The following TRPM8 variants were observed in gnomAD, a reference collection of about 807,000 sequenced individuals.
TRPM8 encodes the protein transient receptor potential cation channel subfamily M member 8.
A neutral mutation model predicts 133.7 loss-of-function variants in TRPM8; 110 were observed. That is an observed-to-expected ratio of 0.82 (90% confidence interval 0.70 to 0.96). The LOEUF (loss-of-function observed/expected upper bound fraction) is 0.96. Ranked by LOEUF, TRPM8 falls within the 40% of genes least tolerant of loss-of-function variation. The pLI is 0.00. For synonymous variants in TRPM8, 535 were observed against 532.3 expected (o/e 1.01, Z -0.07); for missense variants, 1,291 against 1,379.5 (o/e 0.94, Z 1.02).
chr2:234,002,892 A>G (rs1030570941), intron 22 of TRPM8, among the ~76,000 whole-genome samples: 1 of 152,058 alleles, frequency 6.6e-6, no homozygotes, highest in Admixed American at 6.5e-5. Flanking sequence ...AGGGTATTTG[A>G]TAAAATGGTC....
intron 12 of TRPM8, among the ~76,000 whole-genome samples, chr2:233,962,186 A>G (rs1455266256): frequency 1.3e-5 from 2 of 152,224 alleles, no homozygotes; most frequent in South Asian, 2.1e-4. Flanking sequence ...TGTAACACCT[A>G]TAATCCTGCA....
intron 17 of TRPM8, among the ~76,000 whole-genome samples, chr2:233,976,529 C>T (rs1691877545): frequency 6.6e-6 from 1 of 152,082 alleles, no homozygotes; most frequent in Non-Finnish European, 1.5e-5. Flanking sequence ...GTGAGTAATT[C>T]CCAGGGGCTG....
At chr2:234,005,916 G>A (rs1321440210) in intron 22 of TRPM8, among the ~76,000 whole-genome samples, 4 of 117,624 alleles carry the variant, frequency 3.4e-5, no homozygotes, top group East Asian at 2.7e-4. Context: ...TGACAAGAGC[G>A]AAACGTCATC....
intron 11 of TRPM8, among the ~76,000 whole-genome samples, chr2:233,957,329 C>CCA (rs765811618): frequency 0.043 from 6,421 of 149,372 alleles, 149 homozygotes; most frequent in East Asian, 0.061. Context: ...CTGCCCCCCC[C>CCA]AAAAAAAAAA....
At chr2:233,947,314 G>A (rs1450185835) in intron 8 of TRPM8, 159 bp downstream of exon 8, 1 of 1,545,436 alleles carries the variant, frequency 6.5e-7, no homozygotes, top group East Asian at 2.5e-5. Flanking sequence ...ACAGACTCCG[G>A]TTATTCCTCA....
At chr2:233,925,139 C>A (rs1017014927) in intron 1 of TRPM8, among the ~76,000 whole-genome samples, 1 of 152,084 alleles carries the variant, frequency 6.6e-6, no homozygotes, top group Admixed American at 6.5e-5. Context: ...TTTCTGCATT[C>A]GGGAGTTATA....
chr2:233,952,910 C>A (rs554146231), intron 9 of TRPM8, among the ~76,000 whole-genome samples: 17 of 152,200 alleles, frequency 1.1e-4, no homozygotes, highest in Admixed American at 4.6e-4. Context: ...AATTTTGGGA[C>A]CTTCACCCCT....
chr2:233,919,880 C>T (rs1326667165), intron 1 of TRPM8, among the ~76,000 whole-genome samples: 1 of 152,142 alleles, frequency 6.6e-6, no homozygotes, highest in African/African-American at 2.4e-5. Context: ...GATATTGCCG[C>T]TTGAACATCC....
At chr2:233,958,909 G>A (rs1208028445) in intron 11 of TRPM8, among the ~76,000 whole-genome samples, 1 of 152,094 alleles carries the variant, frequency 6.6e-6, no homozygotes, top group African/African-American at 2.4e-5. Flanking sequence ...TCCCAGGGAG[G>A]AGTGGTGGGG....
chr2:233,992,895 A>G (rs192634500), intron 21 of TRPM8, among the ~76,000 whole-genome samples: 1 of 152,218 alleles, frequency 6.6e-6, no homozygotes, highest in African/African-American at 2.4e-5. Context: ...TGCAGAGTTC[A>G]GTCTCCCCTT....
rs1488309438 is a variant in TRPM8, at chr2:233,930,697, T to C, written c.147T>C (p.Phe49=). 1 of 1,609,686 alleles carries C rather than the reference T, an allele frequency of 6.2e-7. No homozygotes were observed. ...TGGTGAATTTTATTCAAGCAAATTT[T>C]AAGAAACGAGAATGTGTCTTCTTTA... ...SDLVNFIQAN[F]KKRECVFFTK... The change falls in exon 3 of 26, where the codon TTT becomes TTC. Residue 49 remains phenylalanine, a synonymous_variant. Transcript: ENST00000324695.
intron 22 of TRPM8, among the ~76,000 whole-genome samples, chr2:234,001,946 A>C (rs1408809054): frequency 6.6e-6 from 1 of 152,220 alleles, no homozygotes; most frequent in Non-Finnish European, 1.5e-5. Context: ...TAAATAAGCT[A>C]GAAGCTATCT....
At chr2:233,968,053 C>G (rs1691618989) in intron 15 of TRPM8, 1 of 152,140 alleles carries the variant, frequency 6.6e-6, no homozygotes, top group South Asian at 2.1e-4. Context: ...AGTCAGGGTG[C>G]TGTGTGGGGT....
chr2:233,935,201 T>A (rs1375133723), intron 3 of TRPM8, among the ~76,000 whole-genome samples: 1 of 152,244 alleles, frequency 6.6e-6, no homozygotes, highest in Non-Finnish European at 1.5e-5. Flanking sequence ...GGACAGAGAA[T>A]ATAAGATAAA....
chr2:233,995,089 A>C (rs1692370660), intron 21 of TRPM8, among the ~76,000 whole-genome samples: 1 of 152,228 alleles, frequency 6.6e-6, no homozygotes, highest in African/African-American at 2.4e-5. Context: ...GTAGCAGCGA[A>C]ACAAATAGAC....
intron 21 of TRPM8, among the ~76,000 whole-genome samples, 200 bp from the exon 22 acceptor site, chr2:233,996,126 C>T (rs1482487500): frequency 6.6e-6 from 1 of 150,656 alleles, no homozygotes; most frequent in African/African-American, 2.4e-5. Flanking sequence ...AAGCCAGACA[C>T]ACTTTTGACC....
intron 15 of TRPM8, among the ~76,000 whole-genome samples, chr2:233,967,284 T>C (rs1483737527): frequency 2.6e-5 from 4 of 152,244 alleles, no homozygotes; most frequent in African/African-American, 9.6e-5. Flanking sequence ...AGAGGCTTTC[T>C]GCACTGAAGT....
chr2:233,982,896 C>A (rs771664228), intron 19 of TRPM8, among the ~76,000 whole-genome samples, 157 bp from the exon 20 acceptor site: 1 of 152,122 alleles, frequency 6.6e-6, no homozygotes, highest in South Asian at 2.1e-4. Context: ...TGATGATGAC[C>A]GCTTTTGTCA....
At chr2:233,991,446 C>T (rs1356839180) in intron 21 of TRPM8, among the ~76,000 whole-genome samples, 1 of 152,132 alleles carries the variant, frequency 6.6e-6, no homozygotes, top group African/African-American at 2.4e-5. Context: ...ACCAGCGCAT[C>T]AGAGAGAGCG....
Sources: gnomAD v4.1 joint callset for allele counts (sites outside exome capture counted in the v4.1 genomes callset) on GRCh38, gnomAD v4.1.1 for gene constraint, MANE v1.5 for transcripts, NCBI Gene and HGNC (gene_info 2026-07-23, HGNC 2026-07-21) for gene names.